DGKI: variants seen among roughly 807,000 people sequenced by gnomAD.
DGKI encodes the protein diacylglycerol kinase iota.
A neutral mutation model predicts 147.5 loss-of-function variants in DGKI; 55 were observed. The ratio of observed to expected loss-of-function variants is 0.37; its 90% CI spans 0.30 to 0.47. The LOEUF (loss-of-function observed/expected upper bound fraction) is 0.47. Among genes scored for constraint, DGKI ranks in the 20% least tolerant of loss-of-function variants. DGKI has a pLI of 1.00. For missense variants in DGKI, 1,007 were observed against 1,323.8 expected (o/e 0.76, Z 3.71); for synonymous variants, 469 against 477.1 (o/e 0.98, Z 0.22).
intron 1 of DGKI, among the ~76,000 whole-genome samples, chr7:137,723,066 T>C (rs1314210404): frequency 6.6e-6 from 1 of 152,184 alleles, no homozygotes; most frequent in African/African-American, 2.4e-5. Context: ...TTGTGAGGAT[T>C]AAATCAGTTA....
At chr7:137,751,004 G>A (rs967115642) in intron 1 of DGKI, among the ~76,000 whole-genome samples, 1 of 152,124 alleles carries the variant, frequency 6.6e-6, no homozygotes, top group Non-Finnish European at 1.5e-5. Context: ...CAGGATATTA[G>A]TAGATGATCT....
intron 1 of DGKI, among the ~76,000 whole-genome samples, chr7:137,823,203 A>G (rs779008626): frequency 2.0e-5 from 3 of 152,198 alleles, no homozygotes; most frequent in Non-Finnish European, 4.4e-5. Flanking sequence ...ATATAAAGGG[A>G]AAAATGTTAA....
chr7:137,441,325 G>C (rs900417350), intron 28 of DGKI, among the ~76,000 whole-genome samples: 1 of 150,524 alleles, frequency 6.6e-6, no homozygotes, highest in South Asian at 2.1e-4. Flanking sequence ...GGAGGCTGAG[G>C]CAGGAGAATG....
intron 8 of DGKI, among the ~76,000 whole-genome samples, chr7:137,617,591 AG>A (rs1160686953): frequency 6.6e-6 from 1 of 152,060 alleles, no homozygotes; most frequent in Non-Finnish European, 1.5e-5. Context: ...AAGAAAAAGT[AG>A]GGGGATTCCA....
At chr7:137,395,927 G>T (rs1239635078) in intron 31 of DGKI, 11 of 497,816 alleles carry the variant, frequency 2.2e-5, no homozygotes, top group Non-Finnish European at 4.0e-5. Context: ...AAATAGTGTT[G>T]ATTAAGTTTA....
chr7:137,806,154 T>C (rs1329194952), intron 1 of DGKI, among the ~76,000 whole-genome samples: 1 of 152,242 alleles, frequency 6.6e-6, no homozygotes, highest in Non-Finnish European at 1.5e-5. Flanking sequence ...CTGATGGCTT[T>C]AGAAGGCAGG....
intron 1 of DGKI, among the ~76,000 whole-genome samples, chr7:137,819,883 T>TC (rs1278848918): frequency 1.3e-5 from 2 of 152,144 alleles, no homozygotes; most frequent in East Asian, 3.9e-4. Context: ...CTATTCCTTG[T>TC]CCCCCTACAG....
At chr7:137,658,492 A>G (rs975184571) in intron 3 of DGKI, among the ~76,000 whole-genome samples, 3 of 152,204 alleles carry the variant, frequency 2.0e-5, no homozygotes, top group Admixed American at 1.3e-4. Flanking sequence ...TGGATAAGCA[A>G]TGCAATATTA....
At chr7:137,511,234 A>G (rs1816569837) in intron 21 of DGKI, among the ~76,000 whole-genome samples, 1 of 152,244 alleles carries the variant, frequency 6.6e-6, no homozygotes, top group South Asian at 2.1e-4. Context: ...TATAAAAAAT[A>G]CACATCCCAT....
At chr7:137,414,023 T>TA in intron 28 of DGKI, among the ~76,000 whole-genome samples, 1 of 152,222 alleles carries the variant, frequency 6.6e-6, no homozygotes, top group East Asian at 1.9e-4. Context: ...TTTAAATGTA[T>TA]TTTGCAAAGT....
At chr7:137,397,325 G>T (rs912439546) in intron 31 of DGKI, 52 bp downstream of exon 31, 4 of 1,532,870 alleles carry the variant, frequency 2.6e-6, no homozygotes, top group South Asian at 2.3e-5. Context: ...TCTTCTCCCA[G>T]ATATGTTCTG....
chr7:137,631,058 A>G (rs1023433183), intron 6 of DGKI, among the ~76,000 whole-genome samples: 3 of 152,234 alleles, frequency 2.0e-5, no homozygotes, highest in African/African-American at 7.2e-5. Context: ...TAACAGAGTT[A>G]CCAATGACAA....
intron 1 of DGKI, among the ~76,000 whole-genome samples, chr7:137,754,214 G>A (rs773087293): frequency 1.2e-4 from 18 of 152,110 alleles, no homozygotes; most frequent in Non-Finnish European, 2.5e-4. Context: ...CCCGGTGGCT[G>A]CTTCACTCCC....
At chr7:137,658,245 A>G (rs1392350974) in intron 3 of DGKI, among the ~76,000 whole-genome samples, 1 of 152,206 alleles carries the variant, frequency 6.6e-6, no homozygotes, top group African/African-American at 2.4e-5. Flanking sequence ...AGTAGCAATC[A>G]AAAGGACAAT....
chr7:137,691,645 C>T (rs1823606815), intron 1 of DGKI, among the ~76,000 whole-genome samples: 1 of 152,198 alleles, frequency 6.6e-6, no homozygotes, highest in Middle Eastern at 3.4e-3. Flanking sequence ...TGCAAACTCC[C>T]TCCAAAAAAT....
chr7:137,481,485 T>A (rs894258195), intron 23 of DGKI, among the ~76,000 whole-genome samples: 3 of 152,120 alleles, frequency 2.0e-5, no homozygotes, highest in Non-Finnish European at 4.4e-5. Flanking sequence ...ACATATTAGT[T>A]ACAGGTTACA....
At chr7:137,812,924 T>C (rs906137051) in intron 1 of DGKI, among the ~76,000 whole-genome samples, 1 of 152,198 alleles carries the variant, frequency 6.6e-6, no homozygotes, top group Admixed American at 6.5e-5. Context: ...TCTCAAATCA[T>C]TGCTGCACAA....
At chr7:137,722,127 C>A in intron 1 of DGKI, 1 of 1,598,868 alleles carries the variant, frequency 6.3e-7, no homozygotes, top group South Asian at 1.1e-5. Flanking sequence ...GCAGCCGCAA[C>A]CCTGTCATTG....
At chr7:137,774,133 T>C (rs953448038) in intron 1 of DGKI, among the ~76,000 whole-genome samples, 1 of 152,228 alleles carries the variant, frequency 6.6e-6, no homozygotes. Context: ...GGGTGACTAA[T>C]TTTGGCCAGT....
Sources: allele counts gnomAD v4.1 joint callset (sites outside exome capture counted in the v4.1 genomes callset), GRCh38; gene constraint gnomAD v4.1.1; transcripts MANE v1.5; gene names NCBI Gene and HGNC (gene_info 2026-07-23, HGNC 2026-07-21).